Variants in EYA3 observed in about 807,000 individuals in gnomAD.
The protein encoded by EYA3 is EYA transcriptional coactivator and phosphatase 3.
A neutral mutation model predicts 80.0 loss-of-function variants in EYA3; 39 were observed. That is an observed-to-expected ratio of 0.49 (90% CI 0.38 to 0.64). The LOEUF is 0.64. Ranked by LOEUF, EYA3 falls within the 30% of genes least tolerant of loss-of-function variation. EYA3 has a pLI of 0.00. For synonymous variants in EYA3, 206 were observed against 232.8 expected (o/e 0.88, Z 1.05); for missense variants, 523 against 676.1 (o/e 0.77, Z 2.51).
chr1:28,028,582 CTT>C (rs35508691), intron 6 of EYA3, among the ~76,000 whole-genome samples: 9 of 143,168 alleles, frequency 6.3e-5, no homozygotes, highest in Admixed American at 7.0e-5. Flanking sequence ...TCTTCTTCTT[CTT>C]TTTTTTTTTT....
chr1:28,015,619 T>C (rs1642003308), intron 8 of EYA3, among the ~76,000 whole-genome samples: 1 of 151,886 alleles, frequency 6.6e-6, no homozygotes, highest in Non-Finnish European at 1.5e-5. Flanking sequence ...ATTAATGAGA[T>C]AGTATTTTAG....
intron 16 of EYA3, among the ~76,000 whole-genome samples, chr1:27,984,381 AT>A (rs58494712): frequency 1.1e-3 from 153 of 144,794 alleles, no homozygotes; most frequent in African/African-American, 1.1e-3. Context: ...GCAATCAATG[AT>A]TTTTTTTTTT....
At chr1:28,012,882 G>T (rs946634287) in intron 9 of EYA3, among the ~76,000 whole-genome samples, 1 of 152,296 alleles carries the variant, frequency 6.6e-6, no homozygotes, top group East Asian at 1.9e-4. Flanking sequence ...GTACGAGTCA[G>T]AAAGAGTCTT....
At chr1:28,006,652 G>A (rs927364582) in intron 10 of EYA3, among the ~76,000 whole-genome samples, 1 of 152,086 alleles carries the variant, frequency 6.6e-6, no homozygotes, top group Non-Finnish European at 1.5e-5. Flanking sequence ...GTTGCAGTGA[G>A]CTGAGATCAT....
At chr1:28,042,699 T>G (rs770780279) in intron 3 of EYA3, 49 bp from the exon 4 acceptor site, 18 of 1,477,360 alleles carry the variant, frequency 1.2e-5, no homozygotes, top group Non-Finnish European at 1.6e-5. Context: ...TTTGCTGCAT[T>G]GCTAAAAAGT....
At chr1:28,000,092 A>G (rs1640724111) in intron 11 of EYA3, 43 bp from the exon 12 acceptor site, 1 of 1,422,576 alleles carries the variant, frequency 7.0e-7, no homozygotes, top group Admixed American at 2.0e-5. Flanking sequence ...TGGTAGTCAC[A>G]GTCCTGGTTC....
At chr1:28,063,568 A>G (rs1644722428) in intron 1 of EYA3, among the ~76,000 whole-genome samples, 1 of 151,934 alleles carries the variant, frequency 6.6e-6, no homozygotes, top group Admixed American at 6.6e-5. Flanking sequence ...GGATGGTCCC[A>G]GACTCCTGGC....
intron 10 of EYA3, among the ~76,000 whole-genome samples, chr1:28,007,692 T>C (rs531455266): frequency 2.9e-4 from 44 of 152,196 alleles, no homozygotes; most frequent in African/African-American, 1.0e-3. Context: ...TAAAAACCTT[T>C]TGTGATAGCA....
chr1:28,049,672 C>G (rs532464069), intron 2 of EYA3, among the ~76,000 whole-genome samples: 9 of 151,994 alleles, frequency 5.9e-5, no homozygotes, highest in Non-Finnish European at 1.2e-4. Flanking sequence ...CCAATGTATA[C>G]GACTATCTCA....
At position 27,974,272 on chromosome 1, in the gene EYA3, AGAGAGAGAGGCAGAGAGGGAGG is replaced by A. The variant is rs1055743527; in HGVS notation, c.*172_*193del. The A allele has an allele frequency of 4.7e-6, 2 of 423,962 alleles. No individual in the cohort carries two copies. The highest frequency in any genetic ancestry group is 7.2e-5 in the Admixed American group (2 of 27,894). 26.3% of individuals were successfully genotyped at this position (423,962 alleles called of 1,614,324 possible). A position where few individuals can be genotyped will look rare whatever the true frequency, so the allele number is the denominator to read the frequency against. On this transcript the variant is annotated 3_prime_UTR_variant, in exon 18 of 18. Coordinates refer to ENST00000373871, the MANE Select transcript of EYA3 (RefSeq NM_001990.4). ...CATGGATAAAGACAGAGAGAGAGAG[AGAGAGAGAGGCAGAGAGGGAGG>A]GAGAGAGGAAGGGAGGGAGGGAGAG...
intron 1 of EYA3, among the ~76,000 whole-genome samples, chr1:28,083,830 A>G (rs945823981): frequency 6.6e-6 from 1 of 152,256 alleles, no homozygotes; most frequent in African/African-American, 2.4e-5. Context: ...TTAAGTGTAC[A>G]TATCAGCCTG....
intron 11 of EYA3, among the ~76,000 whole-genome samples, chr1:28,000,496 T>G (rs1282143192): frequency 6.6e-6 from 1 of 152,064 alleles, no homozygotes; most frequent in Non-Finnish European, 1.5e-5. Context: ...GTATTTTTAG[T>G]AGAGACAGGG....
chr1:28,073,127 A>ATATATATATATATATATATT (rs1553157671), intron 1 of EYA3, among the ~76,000 whole-genome samples: 6 of 14,994 alleles, frequency 4.0e-4, no homozygotes, highest in African/African-American at 6.3e-4. Context: ...ATATATATAT[A>ATATATATATATATATATATT]TTTTTTTTTT....
Position 27,973,169 on chromosome 1 carries a change from TG to T in EYA3, c.*1296del, listed in dbSNP as rs1334848118. On this transcript the variant is annotated 3_prime_UTR_variant, in exon 18 of 18. Transcript: ENST00000373871. ...TGCTCTTCAGTTTCAGGCAGAGATC[TG>T]GGTAAATACATACCTGGGACATCCT... 6.6e-6 allele frequency: 1 copy of T among 152,252 alleles called. No homozygotes were observed. Among genetic ancestry groups the T allele is most frequent in the Non-Finnish European group, 1.5e-5 (1 of 68,056 alleles). 9.4% of individuals were successfully genotyped at this position (152,252 alleles called of 1,614,324 possible).
intron 10 of EYA3, among the ~76,000 whole-genome samples, chr1:28,005,638 G>A (rs555134124): frequency 3.3e-5 from 5 of 150,680 alleles, no homozygotes; most frequent in South Asian, 2.1e-4. Context: ...TCACTTGGGC[G>A]TGGGAAGTCA....
chr1:28,038,465 C>T, intron 5 of EYA3, among the ~76,000 whole-genome samples: 1 of 105,902 alleles, frequency 9.4e-6, no homozygotes, highest in African/African-American at 4.4e-5. Context: ...AAAAAAAAAA[C>T]CGAACACAGA....
chr1:28,013,207 T>A lies in EYA3; in HGVS notation c.673A>T (p.Ser225Cys). The A allele has an allele frequency of 6.2e-7, 1 of 1,614,124 alleles. No individual in the cohort carries two copies. The highest frequency in any genetic ancestry group is 8.5e-7 in the Non-Finnish European group (1 of 1,179,970). ...SSFGVTGQTN[S>C]DAESTTLAAT... is the part of the protein sequence containing the mutation. ...GCTAATGTGGTGCTCTCTGCATCAC[T>A]GTTAGTCTGACCTGTGACTCCAAAG... Residue 225 changes from serine to cysteine, a missense_variant, in exon 9 of 18, where the codon AGT becomes TGT. Ser to Cys is a moderately radical substitution (Grantham distance 112). Transcript: ENST00000373871. The surrounding 1 kb of genome is among the most constrained non-coding windows in gnomAD (Gnocchi z 4.0).
chr1:28,075,408 A>C (rs1205419058), intron 1 of EYA3, among the ~76,000 whole-genome samples: 1 of 152,210 alleles, frequency 6.6e-6, no homozygotes, highest in Non-Finnish European at 1.5e-5. Context: ...TGCAAGGGGA[A>C]AGGTTGTTTG....
intron 16 of EYA3, among the ~76,000 whole-genome samples, chr1:27,983,830 T>C (rs1308370910): frequency 6.6e-6 from 1 of 152,204 alleles, no homozygotes; most frequent in African/African-American, 2.4e-5. Context: ...TAATTTTGTA[T>C]TTTTAGTAGA....
Sources: allele counts gnomAD v4.1 joint callset (sites outside exome capture counted in the v4.1 genomes callset), GRCh38; gene constraint gnomAD v4.1.1; non-coding constraint Gnocchi (gnomAD v3.1); transcripts MANE v1.5; gene names NCBI Gene and HGNC (gene_info 2026-07-23, HGNC 2026-07-21).